The following ATP8A2 variants were observed in gnomAD, a reference collection of about 807,000 sequenced individuals.
The protein encoded by ATP8A2 is phospholipid-transporting ATPase IB.
ATP8A2 carries 100 observed loss-of-function variants against 165.6 expected under a neutral mutation model. The observed-to-expected ratio is 0.60, with a 90% CI of 0.51 to 0.71. ATP8A2 has a LOEUF of 0.71. Ranked by LOEUF, ATP8A2 falls within the 30% of genes least tolerant of loss-of-function variation. The pLI is 0.00. For missense variants in ATP8A2, 1,227 were observed against 1,479.5 expected, an observed-to-expected ratio of 0.83 and a Z score of 2.80; for synonymous variants, 543 against 548.8, an observed-to-expected ratio of 0.99 and a Z score of 0.15.
At chr13:25,738,340 T>TCCC (rs55875449) in intron 25 of ATP8A2, among the ~76,000 whole-genome samples, 2 of 99,282 alleles carry the variant, frequency 2.0e-5, no homozygotes, top group African/African-American at 6.4e-5. Context: ...TGTGCCCCCC[T>TCCC]CCCCCCCCCC....
chr13:25,664,086 G>A (rs1164754103), intron 24 of ATP8A2, among the ~76,000 whole-genome samples: 5 of 152,116 alleles, frequency 3.3e-5, no homozygotes, highest in Non-Finnish European at 7.3e-5. Context: ...GCAGGCGCCT[G>A]TAATCCCAGC....
chr13:25,868,608 T>G (rs911144792), intron 33 of ATP8A2, among the ~76,000 whole-genome samples: 1 of 152,154 alleles, frequency 6.6e-6, no homozygotes, highest in African/African-American at 2.4e-5. Flanking sequence ...ACACACTGTG[T>G]TTCTGGATGA....
chr13:25,701,504 T>A (rs2042950882), intron 25 of ATP8A2, among the ~76,000 whole-genome samples: 1 of 152,136 alleles, frequency 6.6e-6, no homozygotes, highest in Non-Finnish European at 1.5e-5. Flanking sequence ...GCCACTGCCC[T>A]GTTGATCAAG....
At chr13:26,014,951 T>A (rs1475031969) in intron 36 of ATP8A2, among the ~76,000 whole-genome samples, 1 of 152,206 alleles carries the variant, frequency 6.6e-6, no homozygotes, top group Non-Finnish European at 1.5e-5. Context: ...TTCCCAGAAC[T>A]CTACAGGGTC....
intron 25 of ATP8A2, among the ~76,000 whole-genome samples, chr13:25,733,372 A>C (rs950178277): frequency 3.9e-5 from 6 of 152,068 alleles, no homozygotes; most frequent in African/African-American, 1.4e-4. Context: ...TAAGGGGACT[A>C]CTGTTATTTC....
intron 1 of ATP8A2, among the ~76,000 whole-genome samples, chr13:25,402,147 G>T (rs1002148995): frequency 6.6e-6 from 1 of 152,084 alleles, no homozygotes; most frequent in Non-Finnish European, 1.5e-5. Flanking sequence ...TCGTGAATTC[G>T]CTGGATAAGG....
At chr13:25,670,957 G>A (rs1266059353) in intron 24 of ATP8A2, among the ~76,000 whole-genome samples, 3 of 152,200 alleles carry the variant, frequency 2.0e-5, no homozygotes, top group Non-Finnish European at 4.4e-5. Context: ...TCTGTTAAGT[G>A]TCTTGCTTCA....
chr13:25,794,878 C>T (rs1950467695), intron 27 of ATP8A2, among the ~76,000 whole-genome samples: 1 of 151,000 alleles, frequency 6.6e-6, no homozygotes, highest in African/African-American at 2.4e-5. Context: ...CTCTCTCTGC[C>T]TGCCCCCACC....
chr13:25,729,609 G>GTTGTTA (rs2043571745), intron 25 of ATP8A2, among the ~76,000 whole-genome samples: 3 of 152,126 alleles, frequency 2.0e-5, no homozygotes, highest in Admixed American at 2.0e-4. Flanking sequence ...CTGGTTTGGT[G>GTTGTTA]TTGTTATTCC....
intron 33 of ATP8A2, among the ~76,000 whole-genome samples, chr13:25,943,700 A>AT (rs1955135064): frequency 2.0e-5 from 3 of 152,332 alleles, no homozygotes; most frequent in Admixed American, 2.0e-4. Context: ...AACGAATGTT[A>AT]TTTTCGCTTC....
At chr13:25,461,499 G>A (rs975334021) in intron 1 of ATP8A2, among the ~76,000 whole-genome samples, 4 of 152,134 alleles carry the variant, frequency 2.6e-5, no homozygotes, top group African/African-American at 4.8e-5. Flanking sequence ...GCATGCACAC[G>A]TGCCTCATGT....
chr13:25,811,352 G>GA lies in ATP8A2; in HGVS notation c.2680-16762dup, dbSNP rs1950862478. Among the ~76,000 whole-genome samples the GA allele has an allele frequency of 2.0e-5, 3 of 152,042 alleles. No homozygotes were observed. In the East Asian group the frequency reaches 5.8e-4, roughly 29 times the overall value. ...GTCAATGATTTATATAATGTCTTGG[G>GA]AAAATGAAGTCAATTGCATCAAATT... On this transcript the variant is annotated intron_variant, in intron 27 of 36. Coordinates refer to ENST00000381655, the MANE Select transcript of ATP8A2 (RefSeq NM_016529.6).
chr13:25,411,016 C>G (rs967655592), intron 1 of ATP8A2, among the ~76,000 whole-genome samples: 4 of 152,208 alleles, frequency 2.6e-5, no homozygotes, highest in Non-Finnish European at 5.9e-5. Context: ...GACTGTACTC[C>G]AGGAGTTCTG....
At chr13:25,400,670 A>G (rs1024061803) in intron 1 of ATP8A2, among the ~76,000 whole-genome samples, 5 of 152,360 alleles carry the variant, frequency 3.3e-5, no homozygotes, top group African/African-American at 1.2e-4. Flanking sequence ...CTGCACAGTA[A>G]TACATAGGGT....
chr13:25,886,556 G>A (rs922998196), intron 33 of ATP8A2, among the ~76,000 whole-genome samples: 5 of 152,190 alleles, frequency 3.3e-5, no homozygotes, highest in South Asian at 2.1e-4. Flanking sequence ...CTATAATCTC[G>A]CTCACGTGGT....
At chr13:25,880,936 C>G in intron 33 of ATP8A2, 1 of 456,396 alleles carries the variant, frequency 2.2e-6, no homozygotes, top group South Asian at 1.6e-5. Flanking sequence ...CTTTTCTGTG[C>G]AAAATTCAGC....
intron 25 of ATP8A2, among the ~76,000 whole-genome samples, chr13:25,700,410 A>G (rs2042926603): frequency 6.6e-6 from 1 of 152,164 alleles, no homozygotes; most frequent in South Asian, 2.1e-4. Context: ...ATCCATTATC[A>G]GTTAATCCCA....
At chr13:25,768,919 C>A in intron 25 of ATP8A2, 127 bp from the exon 26 acceptor site, 1 of 887,938 alleles carries the variant, frequency 1.1e-6, no homozygotes, top group Non-Finnish European at 1.8e-6. Flanking sequence ...TGCACATGAG[C>A]ATAAAATGGA....
At chr13:25,849,777 C>T (rs568708187) in intron 30 of ATP8A2, among the ~76,000 whole-genome samples, 2 of 152,210 alleles carry the variant, frequency 1.3e-5, no homozygotes, top group Non-Finnish European at 2.9e-5. Flanking sequence ...AGAACAGACT[C>T]ACCTGCTGCC....
Sources: allele counts gnomAD v4.1 joint callset (sites outside exome capture counted in the v4.1 genomes callset), GRCh38; gene constraint gnomAD v4.1.1; transcripts MANE v1.5; gene names NCBI Gene and HGNC (gene_info 2026-07-23, HGNC 2026-07-21).